EML6: variants seen among roughly 807,000 people sequenced by gnomAD.
The protein encoded by EML6 is echinoderm microtubule-associated protein-like 6.
A neutral mutation model predicts 240.1 loss-of-function variants in EML6; 154 were observed. The ratio of observed to expected loss-of-function variants is 0.64; its 90% confidence interval spans 0.56 to 0.73. The LOEUF (loss-of-function observed/expected upper bound fraction) is 0.73, where lower values mean the gene tolerates loss of function less well. Ranked by LOEUF, EML6 falls within the 30% of genes least tolerant of loss-of-function variation. The pLI is 0.00. For synonymous variants in EML6, 1,148 were observed against 899.0 expected, an observed-to-expected ratio of 1.28 and a Z score of -4.95; for missense variants, 2,964 against 2,474.6, an observed-to-expected ratio of 1.20 and a Z score of -4.20.
chr2:54,841,233 C>T (rs1572983684), intron 7 of EML6, among the ~76,000 whole-genome samples: 1 of 152,220 alleles, frequency 6.6e-6, no homozygotes, highest in Non-Finnish European at 1.5e-5. Flanking sequence ...CTTGAAAGCC[C>T]ATCCTGATGT....
chr2:54,777,177 C>T (rs1668641498), intron 2 of EML6, among the ~76,000 whole-genome samples: 1 of 152,128 alleles, frequency 6.6e-6, no homozygotes, highest in Non-Finnish European at 1.5e-5. Context: ...AGTCTGCTAG[C>T]CCTGAAAATG....
intron 2 of EML6, among the ~76,000 whole-genome samples, chr2:54,776,868 G>C (rs1572883819): frequency 6.6e-6 from 1 of 152,068 alleles, no homozygotes; most frequent in East Asian, 1.9e-4. Context: ...TGACTTCATT[G>C]GGATAGTTTA....
At chr2:54,932,978 AGGAGTG>A (rs1454891127) in intron 28 of EML6, among the ~76,000 whole-genome samples, 1 of 152,204 alleles carries the variant, frequency 6.6e-6, no homozygotes, top group African/African-American at 2.4e-5. Flanking sequence ...CTAAGTATGC[AGGAGTG>A]GGGCAACTTC....
chr2:54,951,306 G>A (rs2104488747), intron 30 of EML6, among the ~76,000 whole-genome samples: 1 of 152,248 alleles, frequency 6.6e-6, no homozygotes, highest in South Asian at 2.1e-4. Flanking sequence ...GCTGAGGTGG[G>A]CGGATCACCT....
chr2:54,904,442 G>C (rs1290135804), intron 24 of EML6, among the ~76,000 whole-genome samples: 1 of 152,194 alleles, frequency 6.6e-6, no homozygotes, highest in East Asian at 1.9e-4. Flanking sequence ...TATGCTCTGA[G>C]GGAAAGCTCC....
intron 7 of EML6, among the ~76,000 whole-genome samples, chr2:54,834,371 T>TA (rs1308312935): frequency 7.2e-5 from 11 of 152,214 alleles, no homozygotes; most frequent in Non-Finnish European, 1.3e-4. Context: ...CCAAAATTCT[T>TA]AAAGTCCATC....
At chr2:54,913,813 C>T (rs964948741) in intron 25 of EML6, among the ~76,000 whole-genome samples, 5 of 152,146 alleles carry the variant, frequency 3.3e-5, no homozygotes, top group East Asian at 1.9e-4. Flanking sequence ...AATCTCTAAT[C>T]CATCTTGAGT....
chr2:54,862,511 G>A (rs1573022572), intron 12 of EML6, among the ~76,000 whole-genome samples: 2 of 152,036 alleles, frequency 1.3e-5, no homozygotes, highest in African/African-American at 4.8e-5. Flanking sequence ...AAGAAAAAGA[G>A]TAAAGATAGC....
chr2:54,872,959 G>C (rs1000450130), intron 16 of EML6, among the ~76,000 whole-genome samples: 4 of 152,118 alleles, frequency 2.6e-5, no homozygotes, highest in African/African-American at 9.7e-5. Context: ...CGTCTCCCAG[G>C]CATTTCACAC....
chr2:54,821,105 A>G (rs1668314304), intron 5 of EML6, among the ~76,000 whole-genome samples: 1 of 152,148 alleles, frequency 6.6e-6, no homozygotes, highest in Non-Finnish European at 1.5e-5. Flanking sequence ...TCTCTATAGG[A>G]TCGTAAATAA....
chr2:54,912,384 T>C (rs910687909), intron 25 of EML6, among the ~76,000 whole-genome samples: 1 of 152,224 alleles, frequency 6.6e-6, no homozygotes, highest in African/African-American at 2.4e-5. Flanking sequence ...GACTGCCAGA[T>C]ACTTTATACA....
At position 54,941,750 on chromosome 2, in the gene EML6, G is replaced by A. The variant is rs1573188240; in HGVS notation, c.4005-7132G>A. ...TGAGCCCAGCTCTCCCCATGGGAGA[G>A]TGATGGCACACGCGTAGTGCACGCA... On this transcript the variant is annotated intron_variant, in intron 28 of 41. Transcript: ENST00000356458. Among the ~76,000 whole-genome samples, 3 of 152,152 alleles carry A rather than the reference G, an allele frequency of 2.0e-5. No homozygotes were observed. In the East Asian group the frequency reaches 5.8e-4, roughly 29 times the overall value.
intron 2 of EML6, among the ~76,000 whole-genome samples, chr2:54,764,336 G>A (rs1421685982): frequency 1.3e-5 from 2 of 152,172 alleles, no homozygotes; most frequent in Non-Finnish European, 2.9e-5. Context: ...GCCATTTAAA[G>A]TAAATATAGA....
intron 2 of EML6, among the ~76,000 whole-genome samples, chr2:54,773,389 G>A (rs965441838): frequency 3.9e-5 from 6 of 152,226 alleles, no homozygotes; most frequent in Non-Finnish European, 8.8e-5. Flanking sequence ...TTCTGTCAGT[G>A]TTCCAAGCCA....
At chr2:54,868,410 A>C (rs1380801553) in intron 14 of EML6, 2 of 152,188 alleles carry the variant, frequency 1.3e-5, no homozygotes, top group African/African-American at 4.8e-5. Flanking sequence ...TATATTACTT[A>C]CTGTTAGAAT....
At chr2:54,914,383 T>C (rs969784861) in intron 25 of EML6, among the ~76,000 whole-genome samples, 1 of 152,158 alleles carries the variant, frequency 6.6e-6, no homozygotes, top group Non-Finnish European at 1.5e-5. Context: ...AGCTGTACTT[T>C]CCCTTCCGGT....
intron 26 of EML6, among the ~76,000 whole-genome samples, chr2:54,924,648 G>A (rs1483667547): frequency 6.6e-6 from 1 of 152,116 alleles, no homozygotes; most frequent in Admixed American, 6.5e-5. Flanking sequence ...TGCAACCTCT[G>A]TCTCCTGGGT....
Position 54,938,777 on chromosome 2 carries a change from G to T in EML6, c.4004+10026G>T, listed in dbSNP as rs1046304466. On this transcript the variant is annotated intron_variant, in intron 28 of 41. Transcript: ENST00000356458. ...CTGCACCTGTTCGGATCTCTGAGAA[G>T]ATTTTGTTTGTCTTTGTTCTGTTTT... is the stretch of plus-strand genomic sequence containing the variant. 3.9e-5 allele frequency among the ~76,000 whole-genome samples: 6 copies of T among 152,238 alleles called. No homozygotes were observed. In the South Asian group the frequency reaches 6.2e-4, roughly 16 times the overall value.
chr2:54,929,692 A>ACCTCCTCCTCCT (rs67666233), intron 28 of EML6, among the ~76,000 whole-genome samples: 1 of 143,066 alleles, frequency 7.0e-6, no homozygotes, highest in African/African-American at 2.5e-5. Context: ...AAGAAATGTA[A>ACCTCCTCCTCCT]CCTCCTCCTC....
Sources: allele counts gnomAD v4.1 joint callset (sites outside exome capture counted in the v4.1 genomes callset), GRCh38; gene constraint gnomAD v4.1.1; transcripts MANE v1.5; gene names NCBI Gene and HGNC (gene_info 2026-07-23, HGNC 2026-07-21).